The following COL3A1 variants were observed in gnomAD, a reference collection of about 807,000 sequenced individuals.
COL3A1 encodes the protein collagen alpha-1(III) chain.
Under a neutral mutation model 200.9 loss-of-function variants are expected in COL3A1, and 46 were observed. The ratio of observed to expected loss-of-function variants is 0.23; its 90% CI spans 0.18 to 0.29. The LOEUF (loss-of-function observed/expected upper bound fraction) is 0.29, where lower values mean the gene tolerates loss of function less well. Among genes scored for constraint, COL3A1 ranks in the 10% least tolerant of loss-of-function variants. The pLI is 1.00. For missense variants in COL3A1, 1,367 were observed against 1,917.6 expected, an observed-to-expected ratio of 0.71 and a Z score of 5.36; for synonymous variants, 650 against 628.0, an observed-to-expected ratio of 1.03 and a Z score of -0.52.
rs1328301317 is a variant in COL3A1, at chr2:189,007,506, C to G, written c.3262C>G (p.Gln1088Glu). 1.2e-6 allele frequency: 2 copies of G among 1,612,866 alleles called. No homozygotes were observed. Among genetic ancestry groups the G allele is most frequent in the Admixed American group, 1.7e-5 (1 of 59,894 alleles). The change falls in exon 45 of 51, where the codon CAA (glutamine) becomes GAA (glutamate). Residue 1088 changes from glutamine (Q) to glutamate (E), a missense_variant. Around this residue, in one of 5 missense-constraint regions of COL3A1, gnomAD observed 846 missense variants for 1,147.9 expected, o/e 0.74. Coordinates refer to ENST00000304636, the MANE Select transcript of COL3A1 (RefSeq NM_000090.4). ...TCAAAATATGTTTCTAAAGGGTCCT[C>G]AAGGCCCACGTGGTGACAAAGGTGA... ...PAGSRGAPGPQGPRGDKGETG... is the reference protein window; with the variant it reads ...PAGSRGAPGPEGPRGDKGETG...
intron 1 of COL3A1, 31 bp downstream of exon 1, chr2:188,974,599 T>C (rs1198757809): frequency 6.4e-7 from 1 of 1,573,416 alleles, no homozygotes; most frequent in Non-Finnish European, 8.7e-7. Context: ...AGAAACTTTA[T>C]GGGATTTTTG....
chr2:188,991,822 C>G (rs1688197137), intron 13 of COL3A1, 100 bp downstream of exon 13: 2 of 1,205,746 alleles, frequency 1.7e-6, no homozygotes, highest in African/African-American at 3.0e-5. Flanking sequence ...AGGAAAAAGA[C>G]CTTCCTACAA....
intron 1 of COL3A1, among the ~76,000 whole-genome samples, chr2:188,983,434 TC>T (rs1400545641): frequency 6.6e-6 from 1 of 151,946 alleles, no homozygotes; most frequent in Non-Finnish European, 1.5e-5. Flanking sequence ...GTTTTGAAAT[TC>T]TTTTTGGTGA....
rs2153504327 is a variant in COL3A1 at position 189,010,744 on chromosome 2, T to C, written c.4108T>C (p.Tyr1370His). Residue 1370 changes from tyrosine (Y) to histidine (H), a missense_variant, in exon 50 of 51, where the codon TAT (tyrosine) becomes CAT (histidine). This residue lies in a region of COL3A1 where 846 missense variants were observed against 1,147.9 expected (regional missense o/e 0.74). Coordinates refer to ENST00000304636, the MANE Select transcript of COL3A1 (RefSeq NM_000090.4). ...CAGCCGAGCTTCCCAGAACATCACA[T>C]ATCACTGCAAAAATAGCATTGCATA... Reference protein sequence around the residue: ...LSSRASQNITYHCKNSIAYMD... With the variant: ...LSSRASQNITHHCKNSIAYMD... 1 of 1,614,156 alleles carries C rather than the reference T, an allele frequency of 6.2e-7. No homozygotes were observed. Among genetic ancestry groups the C allele is most frequent in the Non-Finnish European group, 8.5e-7 (1 of 1,180,022 alleles).
intron 48 of COL3A1, 65 bp downstream of exon 48, chr2:189,009,286 T>C: frequency 1.9e-6 from 3 of 1,589,352 alleles, no homozygotes; most frequent in Non-Finnish European, 2.6e-6. Context: ...TAGATTAGAA[T>C]GGGAACGAAA....
intron 3 of COL3A1, 101 bp from the exon 4 acceptor site, chr2:188,985,564 T>A: frequency 1.3e-6 from 1 of 765,770 alleles, no homozygotes; most frequent in East Asian, 2.7e-5. Flanking sequence ...ATATTACTTA[T>A]ATTGTTTCCT....
chr2:189,002,930 A>G (rs1219190321), intron 35 of COL3A1, 25 bp from the exon 36 acceptor site: 1 of 1,463,492 alleles, frequency 6.8e-7, no homozygotes, highest in East Asian at 2.5e-5. Flanking sequence ...GTCAGCTGAG[A>G]GATTGCTGTT....
At position 189,011,926 on chromosome 2, in the gene COL3A1, G is replaced by T; in HGVS notation, c.*152G>T. The T allele has an allele frequency of 1.2e-6, 1 of 805,628 alleles. No homozygotes were observed. The allele number at this position is 805,628 out of a possible 1,614,324, so 49.9% of individuals were successfully genotyped here. On this transcript the variant is annotated 3_prime_UTR_variant, in exon 51 of 51. Transcript: ENST00000304636. ...ACAGTATAATTTGACAAAGAAAAAT[G>T]ATACTTCTCTTTTTTTGCTGTTCCA...
At position 189,004,005 on chromosome 2, in the gene COL3A1, C is replaced by T; in HGVS notation, c.2685C>T (p.Pro895=). ...GSNGNPGPPG[P]SGSPGKDGPP... ...AGGGTAACCCAGGACCCCCAGGTCC[C>T]AGCGGTTCTCCAGGCAAGGATGGGC... The change falls in exon 39 of 51, where the codon CCC becomes CCT. Residue 895 remains proline, a synonymous_variant. Transcript: ENST00000304636. 1 of 1,612,452 alleles carries T rather than the reference C, an allele frequency of 6.2e-7. No individual in the cohort carries two copies. Among genetic ancestry groups the T allele is most frequent in the South Asian group, 1.1e-5 (1 of 90,936 alleles).
At position 188,993,999 on chromosome 2, in the gene COL3A1, C is replaced by T. The variant is rs566748556; in HGVS notation, c.1150-39C>T. The T allele has an allele frequency of 4.8e-5, 76 of 1,581,012 alleles. No homozygotes were observed. In the South Asian group the frequency reaches 8.0e-4, roughly 17 times the overall value. The stretch of plus-strand genomic sequence containing the variant: ...ACTTCAAATATATACGAACTATTTG[C>T]ATTACTATTAATACATTATCTGTTT... On this transcript the variant is annotated intron_variant, in intron 16 of 50. Transcript: ENST00000304636.
At position 188,994,322 on chromosome 2, in the gene COL3A1, G is replaced by T; in HGVS notation, c.1283G>T (p.Arg428Leu). Residue 428 changes from arginine to leucine, a missense_variant, in exon 18 of 51, where the codon CGA becomes CTA. Physicochemically the swap from Arg to Leu is moderately radical, Grantham distance 102 (BLOSUM62 -2). Transcript: ENST00000304636. The surrounding 1 kb of genome is among the most constrained non-coding windows in gnomAD (Gnocchi z 4.5). The part of the protein sequence containing the change: ...PAGANGAPGL[R>L]GGAGEPGKNG... ...GGTGCTAATGGTGCTCCTGGACTGC[G>T]AGGTGGTGCAGTAAGTTGCCTTGTT... 6.2e-7 allele frequency: 1 copy of T among 1,613,596 alleles called. No individual in the cohort carries two copies. Among genetic ancestry groups the T allele is most frequent in the Non-Finnish European group, 8.5e-7 (1 of 1,179,914 alleles).
chr2:188,980,519 A>G (rs898956731), intron 1 of COL3A1, among the ~76,000 whole-genome samples: 13 of 150,694 alleles, frequency 8.6e-5, no homozygotes, highest in African/African-American at 3.1e-4. Flanking sequence ...TTCTAAGGAG[A>G]TTGAAAAAGC....
intron 10 of COL3A1, among the ~76,000 whole-genome samples, 162 bp downstream of exon 10, chr2:188,990,522 A>AT (rs1688165777): frequency 6.6e-6 from 1 of 152,178 alleles, no homozygotes; most frequent in Non-Finnish European, 1.5e-5. Flanking sequence ...CAAACTAGTC[A>AT]TTTTTTGCAA....
Position 188,994,177 on chromosome 2 carries a change from A to T in COL3A1, c.1195-57A>T. ...AATAGATTTGTGATATTTAAGTGAG[A>T]TATTCATAAAAGAACATTCAAGTTC... On this transcript the variant is annotated intron_variant, in intron 17 of 50. Transcript: ENST00000304636. This position sits in a 1 kb window ranked among gnomAD's most constrained non-coding sequence, Gnocchi z 4.5. 1 of 1,610,798 alleles carries T rather than the reference A, an allele frequency of 6.2e-7. No individual in the cohort carries two copies. The highest frequency in any genetic ancestry group is 8.5e-7 in the Non-Finnish European group (1 of 1,177,036).
At chr2:189,005,296 T>G in intron 40 of COL3A1, 54 bp from the exon 41 acceptor site, 1 of 1,446,798 alleles carries the variant, frequency 6.9e-7, no homozygotes, top group South Asian at 1.1e-5. Context: ...GATAACACCA[T>G]TTTAATTGAT....
rs1688345999 is a variant in COL3A1 at position 188,997,151 on chromosome 2, C to T, written c.1762-14C>T. ...CCTTTGAGGATTAGTAAATACCGAC[C>T]ACTTCTTCTTTAGGGTGCTCCTGGT... On this transcript the variant is annotated splice_polypyrimidine_tract_variant and intron_variant, in intron 24 of 50. Transcript: ENST00000304636. 1 of 1,612,462 alleles carries T rather than the reference C, an allele frequency of 6.2e-7. No individual in the cohort carries two copies. The highest frequency in any genetic ancestry group is 8.5e-7 in the Non-Finnish European group (1 of 1,179,784).
At chr2:189,008,902 A>G (rs770195812) in intron 47 of COL3A1, 22 bp from the exon 48 acceptor site, 27 of 1,612,228 alleles carry the variant, frequency 1.7e-5, no homozygotes, top group Non-Finnish European at 2.1e-5. Context: ...TACCTCAATG[A>G]TCCATGTTTT....
At chr2:188,992,758 A>G in intron 14 of COL3A1, 129 bp from the exon 15 acceptor site, 1 of 800,234 alleles carries the variant, frequency 1.2e-6, no homozygotes, top group Non-Finnish European at 2.2e-6. Context: ...CATAATATCC[A>G]TAAAATATGA....
At chr2:188,978,762 A>T (rs1285163375) in intron 1 of COL3A1, among the ~76,000 whole-genome samples, 1 of 151,046 alleles carries the variant, frequency 6.6e-6, no homozygotes, top group Non-Finnish European at 1.5e-5. Context: ...CACTCAAAAA[A>T]AAAAAAAAAA....
Sources: gnomAD v4.1 joint callset for allele counts (sites outside exome capture counted in the v4.1 genomes callset) on GRCh38, gnomAD v4.1.1 for gene constraint, gnomAD v4.1.1 regional missense constraint, Gnocchi (gnomAD v3.1) non-coding constraint, MANE v1.5 for transcripts, NCBI Gene and HGNC (gene_info 2026-07-23, HGNC 2026-07-21) for gene names.